The following RELN variants were observed in gnomAD, a reference collection of about 807,000 sequenced individuals.
RELN encodes the protein reelin.
In RELN, 108 loss-of-function variants were observed where a neutral mutation model predicts 427.6. The observed-to-expected ratio is 0.25, with a 90% CI of 0.22 to 0.30. The LOEUF is 0.30. RELN is among the 10% of genes least tolerant of loss of function. The probability of loss-of-function intolerance (pLI) is 1.00; values close to 1 mark genes in which losing one functional copy is unlikely to be tolerated. For synonymous variants in RELN, 1,524 were observed against 1,513.4 expected (o/e 1.01, Z -0.16); for missense variants, 3,715 against 4,302.8 (o/e 0.86, Z 3.82).
intron 3 of RELN, among the ~76,000 whole-genome samples, chr7:103,791,079 G>A (rs374223518): frequency 6.6e-6 from 1 of 151,920 alleles, no homozygotes; most frequent in Admixed American, 6.6e-5. Context: ...TGTAAGACTT[G>A]TACATAACTA....
intron 24 of RELN, among the ~76,000 whole-genome samples, chr7:103,597,999 C>T (rs991696194): frequency 1.3e-5 from 2 of 152,072 alleles, no homozygotes; most frequent in East Asian, 1.9e-4. Context: ...AATTAAAAGT[C>T]GGGAAGAAAA....
chr7:103,851,120 T>G (rs1045858436), intron 2 of RELN, among the ~76,000 whole-genome samples: 5 of 152,218 alleles, frequency 3.3e-5, no homozygotes, highest in African/African-American at 1.2e-4. Context: ...GAAATGGTGA[T>G]GTACATATAT....
At chr7:103,987,091 A>AAC (rs1404302664) in intron 1 of RELN, among the ~76,000 whole-genome samples, 1 of 147,036 alleles carries the variant, frequency 6.8e-6, no homozygotes, top group South Asian at 2.2e-4. Flanking sequence ...AAAAAAAAAA[A>AAC]CTCTTACTTT....
chr7:103,737,116 T>A (rs1207006098), intron 6 of RELN, among the ~76,000 whole-genome samples: 1 of 152,016 alleles, frequency 6.6e-6, no homozygotes, highest in South Asian at 2.1e-4. Flanking sequence ...TATTAAATGA[T>A]AATTCCATAA....
intron 8 of RELN, among the ~76,000 whole-genome samples, chr7:103,712,366 A>G (rs1367641234): frequency 6.6e-6 from 1 of 152,202 alleles, no homozygotes; most frequent in African/African-American, 2.4e-5. Context: ...GTGATTTGAT[A>G]TAAAATCAAA....
chr7:103,602,459 A>G (rs1314199781), intron 24 of RELN, among the ~76,000 whole-genome samples: 1 of 152,240 alleles, frequency 6.6e-6, no homozygotes, highest in East Asian at 1.9e-4. Context: ...AGACTGGATA[A>G]AGAAAATGTG....
intron 20 of RELN, among the ~76,000 whole-genome samples, chr7:103,614,505 T>C (rs1185807649): frequency 6.6e-6 from 1 of 152,196 alleles, no homozygotes; most frequent in African/African-American, 2.4e-5. Context: ...TCATCTTTCC[T>C]CTCTAGGGGG....
intron 16 of RELN, among the ~76,000 whole-genome samples, chr7:103,642,032 C>T (rs1832704291): frequency 6.6e-6 from 1 of 152,020 alleles, no homozygotes; most frequent in African/African-American, 2.4e-5. Context: ...ATTATGAAGC[C>T]ATTAGGACTC....
At chr7:103,943,018 T>C (rs893831938) in intron 1 of RELN, among the ~76,000 whole-genome samples, 2 of 152,178 alleles carry the variant, frequency 1.3e-5, no homozygotes, top group Non-Finnish European at 2.9e-5. Context: ...ACTCAAAGAA[T>C]CATTTATACT....
chr7:103,919,755 A>AC (rs1433931795), intron 1 of RELN, among the ~76,000 whole-genome samples: 58 of 152,312 alleles, frequency 3.8e-4, no homozygotes, highest in African/African-American at 1.3e-3. Flanking sequence ...CTCATCGCTT[A>AC]CATCCACAAC....
intron 16 of RELN, among the ~76,000 whole-genome samples, chr7:103,647,791 C>A (rs1338609177): frequency 2.0e-5 from 3 of 151,842 alleles, no homozygotes; most frequent in Admixed American, 1.3e-4. Flanking sequence ...CACATTACCT[C>A]ACTTCAAATT....
rs144075577 is a variant in RELN at position 103,639,396 on chromosome 7, T to C, written c.2069+1147A>G. On this transcript the variant is annotated intron_variant, in intron 17 of 64. Coordinates refer to ENST00000428762, the MANE Select transcript of RELN (RefSeq NM_005045.4). ...TACATGCAATTTCTTTTTTTTCTTTTTCTCTCTTTTTTTTTTTTTTTGAGA... is the reference window on the plus strand; with the variant it reads ...TACATGCAATTTCTTTTTTTTCTTTCTCTCTCTTTTTTTTTTTTTTTGAGA... Among the ~76,000 whole-genome samples the C allele has an allele frequency of 7.7e-4, 116 of 151,496 alleles. No individual in the cohort carries two copies. The South Asian group carries it at 0.011, about 15-fold the overall frequency.
intron 50 of RELN, 130 bp downstream of exon 50, chr7:103,515,055 A>G (rs1443985072): frequency 6.2e-6 from 7 of 1,124,770 alleles, no homozygotes; most frequent in Non-Finnish European, 9.1e-6. Context: ...CAAAAGGATG[A>G]CACCCTTTTC....
chr7:103,581,138 C>T (rs1266297226), intron 28 of RELN, among the ~76,000 whole-genome samples: 2 of 152,002 alleles, frequency 1.3e-5, no homozygotes, highest in Admixed American at 1.3e-4. Context: ...ACTGAGAAGA[C>T]CAGTGGATGA....
chr7:103,514,169 A>T (rs1429816468), intron 50 of RELN, among the ~76,000 whole-genome samples: 2 of 152,190 alleles, frequency 1.3e-5, no homozygotes, highest in Non-Finnish European at 2.9e-5. Context: ...CTGGCATAAC[A>T]GTATATCAAT....
chr7:103,917,026 A>G (rs749957068), intron 2 of RELN, 49 bp downstream of exon 2: 18 of 1,275,082 alleles, frequency 1.4e-5, no homozygotes, highest in Non-Finnish European at 2.1e-5. Flanking sequence ...CATAAGACCT[A>G]TGACTGTATA....
At chr7:103,654,029 T>A in intron 13 of RELN, 64 bp downstream of exon 13, 1 of 923,428 alleles carries the variant, frequency 1.1e-6, no homozygotes, top group South Asian at 1.3e-5. Context: ...CTTTGTGGTT[T>A]TGACTTGGGC....
chr7:103,590,462 G>C (rs1831383969), intron 27 of RELN, among the ~76,000 whole-genome samples: 1 of 152,084 alleles, frequency 6.6e-6, no homozygotes, highest in South Asian at 2.1e-4. Flanking sequence ...TCGGGAGGCT[G>C]AGGCAGAGAA....
chr7:103,907,778 T>G (rs1795247609), intron 2 of RELN, among the ~76,000 whole-genome samples: 2 of 91,138 alleles, frequency 2.2e-5, no homozygotes, highest in African/African-American at 8.7e-5. Context: ...TTTTTTCTTT[T>G]TTAAAAAAAA....
Sources: allele counts gnomAD v4.1 joint callset (sites outside exome capture counted in the v4.1 genomes callset), GRCh38; gene constraint gnomAD v4.1.1; transcripts MANE v1.5; gene names NCBI Gene and HGNC (gene_info 2026-07-23, HGNC 2026-07-21).